The following OTOG variants were observed in gnomAD, a reference collection of about 807,000 sequenced individuals.
OTOG encodes the protein otogelin.
OTOG carries 296 observed loss-of-function variants against 313.8 expected under a neutral mutation model. The ratio of observed to expected loss-of-function variants is 0.94; its 90% CI spans 0.86 to 1.04. OTOG has a LOEUF of 1.04. Ranked by LOEUF, OTOG falls within the 50% of genes least tolerant of loss-of-function variation. OTOG has a pLI of 0.00. For missense variants in OTOG, 3,948 were observed against 3,840.1 expected, an observed-to-expected ratio of 1.03 and a Z score of -0.74; for synonymous variants, 1,533 against 1,554.9, an observed-to-expected ratio of 0.99 and a Z score of 0.33.
Position 17,547,341 on chromosome 11 carries a change from G to GCGCTCAAGTCCTCCGGTCCCCT in OTOG, c.-29_-8dup. The GCGCTCAAGTCCTCCGGTCCCCT allele has an allele frequency of 7.6e-7, 1 of 1,323,686 alleles. No individual in the cohort carries two copies. The highest frequency in any genetic ancestry group is 9.6e-7 in the Non-Finnish European group (1 of 1,040,852). 82.0% of individuals were successfully genotyped at this position (1,323,686 alleles called of 1,614,324 possible). ...GGAGGCACCTCGGGAGGCTGGCCCT[G>GCGCTCAAGTCCTCCGGTCCCCT]CGCTCAAGTCCTCCGGTCCCCTCGT... On this transcript the variant is annotated 5_prime_UTR_variant, in exon 1 of 56. Transcript: ENST00000399397.
chr11:17,586,277 T>A (rs1852792244), intron 23 of OTOG, among the ~76,000 whole-genome samples, 197 bp from the exon 24 acceptor site: 1 of 152,234 alleles, frequency 6.6e-6, no homozygotes, highest in Admixed American at 6.5e-5. Context: ...CCTAGTCTGT[T>A]ACTGGTTTTT....
Position 17,613,366 on chromosome 11 carries a change from T to C in OTOG, c.6439-246T>C, listed in dbSNP as rs866285173. Among the ~76,000 whole-genome samples the C allele has an allele frequency of 3.1e-3, 304 of 98,560 alleles. 2 individuals carry two copies. The highest frequency in any genetic ancestry group is 7.8e-3 in the African/African-American group (221 of 28,278). The allele number at this position is 98,560 out of a possible 152,430, so 64.7% of individuals were successfully genotyped here. On this transcript the variant is annotated intron_variant, in intron 38 of 55. Coordinates refer to ENST00000399397, the MANE Select transcript of OTOG (RefSeq NM_001292063.2). The stretch of plus-strand genomic sequence containing the variant: ...CTTCCTTCCTTCCTTCCTTCCTTCC[T>C]TCCTTCCCTCCTTCCTTCCTTCCTT...
intron 17 of OTOG, 25 bp from the exon 18 acceptor site, chr11:17,572,055 G>A (rs1351859604): frequency 6.5e-7 from 1 of 1,550,280 alleles, no homozygotes; most frequent in Non-Finnish European, 8.7e-7. Context: ...GCAAGTGTGT[G>A]AATATGGCTG....
In OTOG at chr11:17,614,024, A is replaced by G. The variant is rs187548126; in HGVS notation, c.6528+323A>G. 3.9e-5 allele frequency among the ~76,000 whole-genome samples: 6 copies of G among 152,132 alleles called. No individual in the cohort carries two copies. The South Asian group carries it at 1.0e-3, about 26-fold the overall frequency. On this transcript the variant is annotated intron_variant, in intron 39 of 55. Transcript: ENST00000399397. Reference sequence around the variant, plus strand: ...TCTCACTTTTGCAATTTTCACAAAAACCTATGACCACATGAACACATTACT... The same window carrying G: ...TCTCACTTTTGCAATTTTCACAAAAGCCTATGACCACATGAACACATTACT...
At chr11:17,592,385 T>G (rs1852968706) in intron 25 of OTOG, among the ~76,000 whole-genome samples, 1 of 152,234 alleles carries the variant, frequency 6.6e-6, no homozygotes, top group Admixed American at 6.5e-5. Context: ...CTCTACAAGA[T>G]GAAGATAATT....
At chr11:17,597,216 TAG>T (rs1295686014) in intron 30 of OTOG, among the ~76,000 whole-genome samples, 3 of 152,174 alleles carry the variant, frequency 2.0e-5, no homozygotes, top group Non-Finnish European at 4.4e-5. Flanking sequence ...AGAAACAGCC[TAG>T]AGAGAGAGAT....
At chr11:17,617,991 C>T (rs1853767066) in intron 39 of OTOG, among the ~76,000 whole-genome samples, 1 of 151,912 alleles carries the variant, frequency 6.6e-6, no homozygotes, top group Non-Finnish European at 1.5e-5. Flanking sequence ...CGGCTCACTG[C>T]AAGCTCTGCC....
At chr11:17,564,768 G>A (rs918641718) in intron 15 of OTOG, among the ~76,000 whole-genome samples, 3 of 152,200 alleles carry the variant, frequency 2.0e-5, no homozygotes, top group Non-Finnish European at 2.9e-5. Context: ...CCATGTGGTA[G>A]TTATCATTCT....
Position 17,548,151 on chromosome 11 carries a change from G to C in OTOG, c.156-1G>C. The C allele has an allele frequency of 6.5e-7, 1 of 1,546,948 alleles. No individual in the cohort carries two copies. The highest frequency in any genetic ancestry group is 1.7e-4 in the Middle Eastern group (1 of 5,976). Reference sequence around the variant, plus strand: ...CCATGCCAGACTCGTGTTTCCTCCAGCAGCAGCCACCAGGAGGCGACCCTT... The same window carrying C: ...CCATGCCAGACTCGTGTTTCCTCCACCAGCAGCCACCAGGAGGCGACCCTT... On this transcript the variant is annotated splice_acceptor_variant, in intron 2 of 55. Coordinates refer to ENST00000399397, the MANE Select transcript of OTOG (RefSeq NM_001292063.2). LOFTEE classifies it high-confidence loss of function.
intron 14 of OTOG, 96 bp from the exon 15 acceptor site, chr11:17,561,566 G>A (rs1291069895): frequency 7.7e-7 from 1 of 1,299,248 alleles, no homozygotes; most frequent in African/African-American, 1.5e-5. Context: ...TTATTCTGGA[G>A]GGCAGGGTGC....
chr11:17,553,275 G>A (rs1363446048), intron 5 of OTOG, 64 bp downstream of exon 5: 1 of 1,532,996 alleles, frequency 6.5e-7, no homozygotes, highest in Middle Eastern at 1.7e-4. Context: ...TAGGGAGAAA[G>A]GGAGCAGCAC....
intron 20 of OTOG, among the ~76,000 whole-genome samples, chr11:17,576,270 C>T (rs1031429144): frequency 6.6e-6 from 1 of 152,218 alleles, no homozygotes; most frequent in Non-Finnish European, 1.5e-5. Context: ...CTGCCCCTCC[C>T]TTCCCCGGTC....
intron 22 of OTOG, among the ~76,000 whole-genome samples, chr11:17,577,761 C>G (rs184992114): frequency 3.3e-5 from 5 of 152,324 alleles, no homozygotes; most frequent in African/African-American, 1.2e-4. Flanking sequence ...TGGTTCATCC[C>G]AGCCTGGGCA....
At chr11:17,584,824 C>A (rs1042081110) in intron 23 of OTOG, among the ~76,000 whole-genome samples, 3 of 152,186 alleles carry the variant, frequency 2.0e-5, no homozygotes, top group Admixed American at 2.0e-4. Context: ...CCGCACCAAG[C>A]CTGTCAATTG....
At chr11:17,631,320 AC>A (rs2133702703) in intron 40 of OTOG, among the ~76,000 whole-genome samples, 1 of 147,202 alleles carries the variant, frequency 6.8e-6, no homozygotes, top group Admixed American at 6.8e-5. Context: ...AGTAGTGTAC[AC>A]CTTTTACCCA....
intron 39 of OTOG, among the ~76,000 whole-genome samples, 187 bp from the exon 40 acceptor site, chr11:17,628,946 C>T (rs982013583): frequency 1.3e-5 from 2 of 152,212 alleles, no homozygotes; most frequent in Non-Finnish European, 2.9e-5. Context: ...ACCTCACATG[C>T]CACTTTCGAC....
chr11:17,634,487 G>A (rs1249681956), intron 44 of OTOG, among the ~76,000 whole-genome samples: 1 of 152,090 alleles, frequency 6.6e-6, no homozygotes, highest in Admixed American at 6.5e-5. Flanking sequence ...GAGCCAGGCA[G>A]CCTGGCCACT....
intron 29 of OTOG, 134 bp from the exon 30 acceptor site, chr11:17,596,717 C>A: frequency 1.3e-6 from 1 of 748,502 alleles, no homozygotes; most frequent in Non-Finnish European, 2.2e-6. Flanking sequence ...CTTCTCCCTT[C>A]ACACCTCATG....
At chr11:17,638,874 GA>G in intron 48 of OTOG, 1 of 1,062,474 alleles carries the variant, frequency 9.4e-7, no homozygotes, top group East Asian at 5.1e-5. Context: ...AAGGCGGGTG[GA>G]TCATGAGGTC....
Sources: allele counts gnomAD v4.1 joint callset (sites outside exome capture counted in the v4.1 genomes callset), GRCh38; gene constraint gnomAD v4.1.1; transcripts MANE v1.5; gene names NCBI Gene and HGNC (gene_info 2026-07-23, HGNC 2026-07-21).